Variants in KIF1A observed in about 807,000 individuals in gnomAD.
KIF1A encodes the protein kinesin family member 1A, also known as kinesin-like protein KIF1A.
In KIF1A, 46 loss-of-function variants were observed where a neutral mutation model predicts 227.3. The ratio of observed to expected loss-of-function variants is 0.20; its 90% CI spans 0.16 to 0.26. KIF1A has a LOEUF of 0.26. KIF1A is among the 10% of genes least tolerant of loss of function. The pLI, the probability that KIF1A is intolerant of heterozygous loss-of-function variation, is 1.00. For synonymous variants in KIF1A, 1,022 were observed against 1,012.8 expected (o/e 1.01, Z -0.17); for missense variants, 1,683 against 2,485.9 (o/e 0.68, Z 6.87).
intron 16 of KIF1A, among the ~76,000 whole-genome samples, 168 bp downstream of exon 16, chr2:240,769,459 G>T (rs1428524045): frequency 6.6e-6 from 1 of 152,256 alleles, no homozygotes; most frequent in South Asian, 2.1e-4. Context: ...AGTACACAAG[G>T]TGGGGGTCAT....
chr2:240,808,509 ATTT>A (rs35916226), intron 1 of KIF1A, among the ~76,000 whole-genome samples: 1 of 22,680 alleles, frequency 4.4e-5, no homozygotes, highest in South Asian at 2.9e-3. Context: ...AAAAAAAAAA[ATTT>A]TTTTTTTTTA....
At chr2:240,729,290 T>G (rs187386399) in intron 38 of KIF1A, among the ~76,000 whole-genome samples, 128 of 152,306 alleles carry the variant, frequency 8.4e-4, no homozygotes, top group Admixed American at 2.5e-3. Context: ...AGCTTGCTTC[T>G]CTTCCCCTTC....
rs1559530222 is a variant in KIF1A, at chr2:240,786,800, G to GCCACCATCAGGACCC, written c.430-288_430-287insGGGTCCTGATGGTGG. ...AGGACCCCTGAGTGAGGGGGTGGGGGCTGCCATCAGGACCCCTGAGTGAGA... is the reference window on the plus strand; with the variant it reads ...AGGACCCCTGAGTGAGGGGGTGGGGGCCACCATCAGGACCCCTGCCATCAGGACCCCTGAGTGAGA... On this transcript the variant is annotated intron_variant, in intron 5 of 48. Coordinates refer to ENST00000498729, the MANE Select transcript of KIF1A (RefSeq NM_001244008.2). 1.5e-4 allele frequency among the ~76,000 whole-genome samples: 22 copies of GCCACCATCAGGACCC among 143,086 alleles called. 2 individuals are homozygous for GCCACCATCAGGACCC. The highest frequency in any genetic ancestry group is 5.3e-4 in the African/African-American group (19 of 35,894). The allele number at this position is 143,086 out of a possible 152,430, so 93.9% of individuals were successfully genotyped here.
At chr2:240,780,261 C>T (rs369428701) in intron 10 of KIF1A, among the ~76,000 whole-genome samples, 149 of 152,158 alleles carry the variant, frequency 9.8e-4, no homozygotes, top group African/African-American at 3.4e-3. Flanking sequence ...GGCTCCTCGG[C>T]GTCCCTCACA....
chr2:240,782,839 T>G (rs564658869), intron 9 of KIF1A, among the ~76,000 whole-genome samples: 68 of 152,202 alleles, frequency 4.5e-4, no homozygotes, highest in African/African-American at 1.6e-3. Flanking sequence ...TAGCCCCACT[T>G]TACAGGCGGG....
intron 46 of KIF1A, among the ~76,000 whole-genome samples, chr2:240,719,494 C>G (rs1043652847): frequency 1.3e-5 from 2 of 152,244 alleles, no homozygotes; most frequent in African/African-American, 4.8e-5. Context: ...AGTTCCCCAC[C>G]TGGGCCTTGG....
intron 10 of KIF1A, among the ~76,000 whole-genome samples, chr2:240,780,858 ACACACAGCTC>A (rs1386675896): frequency 8.0e-6 from 1 of 124,680 alleles, no homozygotes; most frequent in Admixed American, 7.7e-5. Flanking sequence ...CCACACACAC[ACACACAGCTC>A]CACACACACA....
chr2:240,718,947 C>T, intron 47 of KIF1A, 59 bp downstream of exon 47: 5 of 1,408,096 alleles, frequency 3.6e-6, no homozygotes, highest in Non-Finnish European at 5.0e-6. Context: ...AGGATGGTGG[C>T]TCAGCTCCTG....
chr2:240,766,741 T>TCACACACACACACACACA lies in KIF1A; in HGVS notation c.1684+173_1684+174insTGTGTGTGTGTGTGTGTG, dbSNP rs71049519. ...CTCCAAATCTCTCTCTCTCTCTCTC[T>TCACACACACACACACACA]CTCTCTCTCACACACACACACACAC... On this transcript the variant is annotated intron_variant, in intron 19 of 48. Transcript: ENST00000498729. The surrounding 1 kb of genome is among the most constrained non-coding windows in gnomAD (Gnocchi z 5.0). Among the ~76,000 whole-genome samples, 12 of 112,510 alleles carry TCACACACACACACACACA rather than the reference T, an allele frequency of 1.1e-4. No individual in the cohort carries two copies. The highest frequency in any genetic ancestry group is 1.9e-4 in the Non-Finnish European group (11 of 56,588). The allele number at this position is 112,510 out of a possible 152,430, so 73.8% of individuals were successfully genotyped here.
chr2:240,760,694 G>A lies in KIF1A; in HGVS notation c.2415C>T (p.Ala805=). ...GCTTCTCCAGCGTCCAGTAGTGGGT[G>A]GCCCCGTTCTTCTGGTCCTGGACCT... ...AVEVQDQKNG[A]THYWTLEKLR... Residue 805 remains alanine (A), a synonymous_variant, in exon 25 of 49, where the codon GCC becomes GCT. Transcript: ENST00000498729. 2 of 1,570,324 alleles carry A rather than the reference G, an allele frequency of 1.3e-6. No homozygotes were observed. Among genetic ancestry groups the A allele is most frequent in the Non-Finnish European group, 1.7e-6 (2 of 1,156,440 alleles).
chr2:240,720,509 G>C (rs1329409410), intron 45 of KIF1A: 1 of 168,044 alleles, frequency 6.0e-6, no homozygotes, highest in Non-Finnish European at 1.3e-5. Context: ...TGTACATAAG[G>C]GGTTCACACG....
chr2:240,813,434 G>A (rs1444749171), intron 1 of KIF1A, among the ~76,000 whole-genome samples: 16 of 152,212 alleles, frequency 1.1e-4, no homozygotes, highest in Non-Finnish European at 1.6e-4. Flanking sequence ...TGGAAGGCAG[G>A]GGTGAGAAGT....
chr2:240,735,460 CAG>C (rs2047207801), intron 38 of KIF1A, among the ~76,000 whole-genome samples: 1 of 152,194 alleles, frequency 6.6e-6, no homozygotes, highest in Admixed American at 6.5e-5. Flanking sequence ...GCCCTCTGTG[CAG>C]AGAGATAGCA....
chr2:240,791,964 C>T (rs1330387563), intron 2 of KIF1A, among the ~76,000 whole-genome samples: 5 of 151,006 alleles, frequency 3.3e-5, no homozygotes, highest in African/African-American at 9.7e-5. Flanking sequence ...CCTACCCTGC[C>T]GGCAACCCCA....
rs1422107799 is a variant in KIF1A, at chr2:240,740,183, G to A, written c.3817-41C>T. ...GAGAGGATATGGTCAGACGGCTCAG[G>A]GGGCTACGTAGGGTGAGGGAGGGGG... is the stretch of plus-strand genomic sequence containing the variant. On this transcript the variant is annotated intron_variant, in intron 36 of 48. Coordinates refer to ENST00000498729, the MANE Select transcript of KIF1A (RefSeq NM_001244008.2). This position sits in a 1 kb window ranked among gnomAD's most constrained non-coding sequence, Gnocchi z 6.1. 1 of 1,583,154 alleles carries A rather than the reference G, an allele frequency of 6.3e-7. No homozygotes were observed. Among genetic ancestry groups the A allele is most frequent in the South Asian group, 1.1e-5 (1 of 87,952 alleles).
chr2:240,767,386 A>C, intron 17 of KIF1A, 41 bp from the exon 18 acceptor site: 1 of 1,546,954 alleles, frequency 6.5e-7, no homozygotes, highest in South Asian at 1.1e-5. Context: ...GCAGAGGGGC[A>C]GGAGCCTGAT....
rs2045935806 is a variant in KIF1A at position 240,725,708 on chromosome 2, C to T, written c.4123-304G>A. On this transcript the variant is annotated intron_variant, in intron 39 of 48. Coordinates refer to ENST00000498729, the MANE Select transcript of KIF1A (RefSeq NM_001244008.2). This position sits in a 1 kb window ranked among gnomAD's most constrained non-coding sequence, Gnocchi z 5.8. ...ACTGCTCGGGCCTCAGCTGCCTCAC[C>T]ATAAAATTGGGGTGACCCCTCCCCG... 1 of 332,620 alleles carries T rather than the reference C, an allele frequency of 3.0e-6. No homozygotes were observed. Among genetic ancestry groups the T allele is most frequent in the African/African-American group, 2.1e-5 (1 of 47,008 alleles). The allele number at this position is 332,620 out of a possible 1,614,324, so 20.6% of individuals were successfully genotyped here.
In KIF1A at chr2:240,757,350, C is replaced by T. The variant is rs952292326; in HGVS notation, c.2827G>A (p.Asp943Asn). 8 of 1,550,548 alleles carry T rather than the reference C, an allele frequency of 5.2e-6. No homozygotes were observed. Among genetic ancestry groups the T allele is most frequent in the Middle Eastern group, 3.3e-4 (2 of 6,012 alleles). ...ACTAAACTGAACAGGGGGGGCCGGT[C>T]GTAAAACGGGTCCCGGCCGTCGCAC... is the stretch of plus-strand genomic sequence containing the variant. ...ALCDGRDPFYDRPPLFSLVGR... is the reference protein window; with the variant it reads ...ALCDGRDPFYNRPPLFSLVGR... The change falls in exon 27 of 49, where the codon GAC becomes AAC. Residue 943 changes from aspartate to asparagine, a missense_variant. Asp to Asn is a conservative substitution (Grantham distance 23, BLOSUM62 1). This residue lies in a region of KIF1A where 759 missense variants were observed against 1,020.2 expected (regional missense o/e 0.74). Coordinates refer to ENST00000498729, the MANE Select transcript of KIF1A (RefSeq NM_001244008.2). The surrounding 1 kb of genome is among the most constrained non-coding windows in gnomAD (Gnocchi z 6.2).
chr2:240,739,000 G>C (rs1344086172), intron 37 of KIF1A, among the ~76,000 whole-genome samples: 1 of 152,238 alleles, frequency 6.6e-6, no homozygotes, highest in Admixed American at 6.5e-5. Context: ...CTCTTCTTAG[G>C]CTTGCCCTAA....
Sources: allele counts gnomAD v4.1 joint callset (sites outside exome capture counted in the v4.1 genomes callset), GRCh38; gene constraint gnomAD v4.1.1; regional missense constraint gnomAD v4.1.1; non-coding constraint Gnocchi (gnomAD v3.1); transcripts MANE v1.5; gene names NCBI Gene and HGNC (gene_info 2026-07-23, HGNC 2026-07-21).